The following DOCK2 variants were observed in gnomAD, a reference collection of about 807,000 sequenced individuals.
DOCK2 encodes the protein dedicator of cytokinesis protein 2.
A neutral mutation model predicts 248.9 loss-of-function variants in DOCK2; 87 were observed. That is an observed-to-expected ratio of 0.35 (90% CI 0.29 to 0.42). The LOEUF (loss-of-function observed/expected upper bound fraction) is 0.42. DOCK2 is among the 10% of genes least tolerant of loss of function. The probability of loss-of-function intolerance (pLI) is 1.00; values close to 1 mark genes in which losing one functional copy is unlikely to be tolerated. For synonymous variants in DOCK2, 805 were observed against 821.6 expected (o/e 0.98, Z 0.35); for missense variants, 1,747 against 2,300.2 (o/e 0.76, Z 4.92).
In DOCK2 at chr5:169,654,424, G is replaced by A; in HGVS notation, c.65G>A (p.Ser22Asn). 1 of 1,614,164 alleles carries A rather than the reference G, an allele frequency of 6.2e-7. No homozygotes were observed. The highest frequency in any genetic ancestry group is 8.5e-7 in the Non-Finnish European group (1 of 1,180,022). Reference protein sequence around the residue: ...HGVAIYNFQGSGAPQLSLQIG... With the variant: ...HGVAIYNFQGNGAPQLSLQIG... ...ACAGCCATATACAACTTCCAAGGCA[G>A]CGGAGCCCCCCAGCTCTCCCTGCAG... The change falls in exon 2 of 52, where the codon AGC becomes AAC. Residue 22 changes from serine to asparagine, a missense_variant. Physicochemically the swap from Ser to Asn is conservative, Grantham distance 46. Around this residue, in one of 4 missense-constraint regions of DOCK2, gnomAD observed 375 missense variants for 510.9 expected, o/e 0.73. Transcript: ENST00000520908.
intron 27 of DOCK2, chr5:169,881,348 C>G (rs1378218287): frequency 2.6e-6 from 4 of 1,548,514 alleles, no homozygotes; most frequent in South Asian, 1.2e-5. Flanking sequence ...ACAGAGCAGG[C>G]CTCGCTTGTG....
rs191976409 is a variant in DOCK2 at position 169,927,696 on chromosome 5, A to C, written c.2800-55372A>C. ...CAGTGGCACAATCTTGGCTCACTGC[A>C]AGCTCCGCTTCCCGAGTTCATGCCA... is the stretch of plus-strand genomic sequence containing the variant. On this transcript the variant is annotated intron_variant, in intron 27 of 51. Transcript: ENST00000520908. Among the ~76,000 whole-genome samples the C allele has an allele frequency of 4.6e-3, 704 of 152,322 alleles. 4 individuals are homozygous for C. The highest frequency in any genetic ancestry group is 0.024 in the Middle Eastern group (7 of 294).
At chr5:169,705,198 CCT>C (rs1318384868) in intron 14 of DOCK2, among the ~76,000 whole-genome samples, 7 of 152,058 alleles carry the variant, frequency 4.6e-5, no homozygotes. Context: ...GTATAAGGCA[CCT>C]GGTATTGCAG....
chr5:170,051,931 TGTCAGTGTGGCCAAGCATG>T (rs1032731604), intron 41 of DOCK2, among the ~76,000 whole-genome samples: 1 of 152,128 alleles, frequency 6.6e-6, no homozygotes, highest in African/African-American at 2.4e-5. Context: ...TATAAGTGGG[TGTCAGTGTGGCCAAGCATG>T]GTCTTTAGTG....
chr5:169,751,629 T>A (rs1243901267), intron 23 of DOCK2, among the ~76,000 whole-genome samples: 2 of 152,252 alleles, frequency 1.3e-5, no homozygotes, highest in African/African-American at 4.8e-5. Flanking sequence ...CTCTGAAACC[T>A]AAGCAAGTTA....
intron 27 of DOCK2, among the ~76,000 whole-genome samples, chr5:169,847,775 T>C (rs992733904): frequency 6.6e-6 from 1 of 152,164 alleles, no homozygotes; most frequent in Non-Finnish European, 1.5e-5. Flanking sequence ...AAGCTACACA[T>C]TGGCTCAGTG....
At chr5:169,747,271 C>T (rs1763663747) in intron 22 of DOCK2, 125 bp from the exon 23 acceptor site, 6 of 752,306 alleles carry the variant, frequency 8.0e-6, no homozygotes, top group Non-Finnish European at 1.3e-5. Flanking sequence ...GAATCCTCTC[C>T]TCCTTGAAGT....
At chr5:169,864,392 C>T in intron 27 of DOCK2, 2 of 1,551,518 alleles carry the variant, frequency 1.3e-6, no homozygotes, top group Non-Finnish European at 8.7e-7. Context: ...TCAACTGGCT[C>T]TGCTTCCTCC....
At chr5:170,077,897 T>A in intron 48 of DOCK2, 60 bp downstream of exon 48, 1 of 1,331,012 alleles carries the variant, frequency 7.5e-7, no homozygotes, top group Non-Finnish European at 1.0e-6. Context: ...CTATCCCCCC[T>A]CCTTCTCTCT....
chr5:169,662,846 C>T (rs1437356563), intron 2 of DOCK2, among the ~76,000 whole-genome samples: 1 of 152,192 alleles, frequency 6.6e-6, no homozygotes, highest in Non-Finnish European at 1.5e-5. Context: ...CAAATCACAT[C>T]ATTCCTCCCC....
At chr5:170,050,502 A>G in intron 41 of DOCK2, 105 bp downstream of exon 41, 1 of 1,357,852 alleles carries the variant, frequency 7.4e-7, no homozygotes, top group South Asian at 1.5e-5. Context: ...TGCCAGAATC[A>G]TTGCAGTGGC....
rs1337643432 is a variant in DOCK2 at position 170,008,209 on chromosome 5, ACAACAAC to A, written c.3073-287_3073-281del. Among the ~76,000 whole-genome samples, 505 of 65,476 alleles carry A rather than the reference ACAACAAC, an allele frequency of 7.7e-3. 6 individuals are homozygous for A. Among genetic ancestry groups the A allele is most frequent in the African/African-American group, 0.043 (415 of 9,692 alleles). 43.0% of individuals were successfully genotyped at this position (65,476 alleles called of 152,430 possible). A position where few individuals can be genotyped will look rare whatever the true frequency, so the allele number is the denominator to read the frequency against. ...CACAAGGACAAAAACAACAACAACA[ACAACAAC>A]AACAACAACAAAAAAAAAAAAACCT... On this transcript the variant is annotated intron_variant, in intron 30 of 51. Coordinates refer to ENST00000520908, the MANE Select transcript of DOCK2 (RefSeq NM_004946.3).
At chr5:170,049,411 C>T (rs1313908386) in intron 40 of DOCK2, among the ~76,000 whole-genome samples, 1 of 152,202 alleles carries the variant, frequency 6.6e-6, no homozygotes, top group Admixed American at 6.5e-5. Context: ...CCAGGCCCAG[C>T]TGGGAATCTG....
chr5:169,643,715 C>T (rs1313344694), intron 1 of DOCK2, among the ~76,000 whole-genome samples: 2 of 152,152 alleles, frequency 1.3e-5, no homozygotes, highest in Admixed American at 1.3e-4. Flanking sequence ...CACTCAGTTC[C>T]CCTGACTGCA....
intron 25 of DOCK2, among the ~76,000 whole-genome samples, chr5:169,770,318 C>G (rs1765016452): frequency 8.7e-6 from 1 of 115,382 alleles, no homozygotes; most frequent in Admixed American, 1.1e-4. Flanking sequence ...TTTTTTGAGA[C>G]AGGGTCTTGC....
At chr5:169,908,188 A>G (rs544876454) in intron 27 of DOCK2, among the ~76,000 whole-genome samples, 51 of 152,342 alleles carry the variant, frequency 3.3e-4, no homozygotes, top group African/African-American at 1.2e-3. Context: ...TACAGGCTGC[A>G]GGACAAATGT....
chr5:169,848,189 A>G (rs536153295), intron 27 of DOCK2, among the ~76,000 whole-genome samples: 51 of 152,234 alleles, frequency 3.4e-4, no homozygotes, highest in Admixed American at 1.4e-3. Context: ...TTGACTCAAA[A>G]TGCCTACTGT....
intron 27 of DOCK2, among the ~76,000 whole-genome samples, chr5:169,843,235 G>T (rs557775649): frequency 2.5e-4 from 38 of 152,010 alleles, no homozygotes; most frequent in Non-Finnish European, 4.4e-4. Context: ...AGTTTTCCAG[G>T]TCCAGCACAA....
intron 26 of DOCK2, among the ~76,000 whole-genome samples, chr5:169,829,533 G>T (rs1769092093): frequency 6.6e-6 from 1 of 152,188 alleles, no homozygotes. Context: ...AGGGCCATTT[G>T]TTCATGTAGT....
Sources: allele counts gnomAD v4.1 joint callset (sites outside exome capture counted in the v4.1 genomes callset), GRCh38; gene constraint gnomAD v4.1.1; regional missense constraint gnomAD v4.1.1; transcripts MANE v1.5; gene names NCBI Gene and HGNC (gene_info 2026-07-23, HGNC 2026-07-21).